The following NRP1 variants were observed in gnomAD, a reference collection of about 807,000 sequenced individuals.
The protein encoded by NRP1 is neuropilin 1.
In NRP1, 35 loss-of-function variants were observed where a neutral mutation model predicts 106.7. That is an observed-to-expected ratio of 0.33 (90% CI 0.25 to 0.43). The LOEUF (loss-of-function observed/expected upper bound fraction) is 0.43. NRP1 is among the 20% of genes least tolerant of loss of function. The pLI is 1.00. For synonymous variants in NRP1, 437 were observed against 417.9 expected (o/e 1.05, Z -0.56); for missense variants, 1,024 against 1,170.4 (o/e 0.87, Z 1.83).
At chr10:33,204,679 T>C (rs952547267) in intron 10 of NRP1, among the ~76,000 whole-genome samples, 3 of 152,188 alleles carry the variant, frequency 2.0e-5, no homozygotes, top group Non-Finnish European at 4.4e-5. Flanking sequence ...GCAAATGATA[T>C]GTATGTTCCA....
intron 7 of NRP1, among the ~76,000 whole-genome samples, chr10:33,224,548 C>CTTTTTTTTTTTTTTTT (rs34104704): frequency 1.4e-5 from 2 of 143,162 alleles, no homozygotes; most frequent in Non-Finnish European, 1.5e-5. Flanking sequence ...CCATTTTGTT[C>CTTTTTTTTTTTTTTTT]TTTTTTTTTT....
chr10:33,217,243 T>C (rs1838850944), intron 8 of NRP1, among the ~76,000 whole-genome samples: 2 of 152,294 alleles, frequency 1.3e-5, no homozygotes, highest in East Asian at 3.9e-4. Flanking sequence ...ACCAGATTAA[T>C]GCCCTTTCTC....
At chr10:33,203,047 AGCCTCTG>A in intron 10 of NRP1, 52 bp from the exon 11 acceptor site, 1 of 1,548,262 alleles carries the variant, frequency 6.5e-7, no homozygotes, top group Non-Finnish European at 8.7e-7. Flanking sequence ...TGTATTCTCA[AGCCTCTG>A]GCTGTTGGAT....
At chr10:33,192,218 A>T (rs954018909) in intron 13 of NRP1, 63 bp downstream of exon 13, 6 of 1,559,982 alleles carry the variant, frequency 3.8e-6, no homozygotes, top group Non-Finnish European at 5.2e-6. Context: ...CCCTCCCAGT[A>T]ACACAGCCTC....
intron 2 of NRP1, among the ~76,000 whole-genome samples, chr10:33,286,814 C>A (rs1465299221): frequency 6.6e-6 from 1 of 152,060 alleles, no homozygotes; most frequent in South Asian, 2.1e-4. Context: ...CCCACCCAAG[C>A]AACTAGGCAA....
rs958490702 is a variant in NRP1 at position 33,326,967 on chromosome 10, T to A, written c.248+3741A>T. ...ACAATAAAAATCTAAATAAAAAATTTTTTTTTTTCTACCAGGACTATGTAG... is the reference window on the plus strand; with the variant it reads ...ACAATAAAAATCTAAATAAAAAATTATTTTTTTTCTACCAGGACTATGTAG... On this transcript the variant is annotated intron_variant, in intron 2 of 16. Coordinates refer to ENST00000374867, the MANE Select transcript of NRP1 (RefSeq NM_003873.7). Among the ~76,000 whole-genome samples, 1,062 of 152,144 alleles carry A rather than the reference T, an allele frequency of 7.0e-3. 23 individuals are homozygous for A. The highest frequency in any genetic ancestry group is 0.024 in the African/African-American group (1,007 of 41,506).
At chr10:33,191,228 TA>T (rs1836389655) in intron 13 of NRP1, among the ~76,000 whole-genome samples, 1 of 152,052 alleles carries the variant, frequency 6.6e-6, no homozygotes. Context: ...AGGGGGCAGA[TA>T]ATAGAGTTCA....
intron 2 of NRP1, among the ~76,000 whole-genome samples, chr10:33,305,555 T>A (rs1398532950): frequency 6.6e-6 from 1 of 152,096 alleles, no homozygotes; most frequent in Non-Finnish European, 1.5e-5. Flanking sequence ...GGAACCAAGT[T>A]CTCACTGTGG....
intron 2 of NRP1, among the ~76,000 whole-genome samples, chr10:33,312,388 T>C (rs932038542): frequency 6.6e-6 from 1 of 152,226 alleles, no homozygotes; most frequent in Admixed American, 6.5e-5. Flanking sequence ...CCTTTAAAAA[T>C]GGGTCTGGTA....
At chr10:33,265,918 T>C (rs931469299) in intron 3 of NRP1, among the ~76,000 whole-genome samples, 8 of 152,168 alleles carry the variant, frequency 5.3e-5, no homozygotes, top group African/African-American at 1.4e-4. Context: ...ATTTGAGTCA[T>C]TTATCCACAA....
chr10:33,285,115 C>T (rs746597613), intron 2 of NRP1, among the ~76,000 whole-genome samples: 9 of 152,168 alleles, frequency 5.9e-5, no homozygotes, highest in African/African-American at 9.7e-5. Flanking sequence ...TAAACAAGTA[C>T]GATGCTGATA....
intron 2 of NRP1, 76 bp downstream of exon 2, chr10:33,330,632 A>C: frequency 6.1e-6 from 8 of 1,314,760 alleles, no homozygotes; most frequent in Non-Finnish European, 8.4e-6. Flanking sequence ...CATTGTACAC[A>C]CCGACTTCCC....
intron 9 of NRP1, among the ~76,000 whole-genome samples, chr10:33,207,965 G>T (rs574523635): frequency 2.4e-3 from 369 of 152,028 alleles, no homozygotes; most frequent in Middle Eastern, 6.8e-3. Context: ...TCACTCTGTC[G>T]CCCAGGGTGG....
At position 33,263,641 on chromosome 10, in the gene NRP1, C is replaced by G. The variant is rs1473143577; in HGVS notation, c.658+5G>C. 6.2e-7 allele frequency: 1 copy of G among 1,611,304 alleles called. No homozygotes were observed. The highest frequency in any genetic ancestry group is 2.2e-5 in the East Asian group (1 of 44,852). On this transcript the variant is annotated splice_donor_5th_base_variant and intron_variant, in intron 4 of 16. Transcript: ENST00000374867. The stretch of plus-strand genomic sequence containing the variant: ...CCTTTTTGGGGTGCTTCCTGTCATT[C>G]TTACCATCAGGGAATCCATCCCAGA...
chr10:33,202,411 T>C (rs1405698462), intron 11 of NRP1: 1 of 454,976 alleles, frequency 2.2e-6, no homozygotes, highest in Non-Finnish European at 3.8e-6. Flanking sequence ...TGTACAATGA[T>C]TTACCAAATC....
At chr10:33,297,762 G>T (rs4277057) in intron 2 of NRP1, among the ~76,000 whole-genome samples, 27,754 of 151,212 alleles carry the variant, frequency 0.18, 3,026 homozygotes, top group African/African-American at 0.3. Flanking sequence ...AGGTTTAAAG[G>T]CAGGATTTAC....
Position 33,213,672 on chromosome 10 carries a change from G to T in NRP1, c.1328C>A (p.Ser443Tyr). 6.2e-7 allele frequency: 1 copy of T among 1,613,120 alleles called. No homozygotes were observed. The highest frequency in any genetic ancestry group is 8.5e-7 in the Non-Finnish European group (1 of 1,179,518). Reference sequence around the variant, plus strand: ...GTTGGATGATGTGATCTGGGAGTCAGAAATAAGTCCAGACACCATACCCAA... The same window carrying T: ...GTTGGATGATGTGATCTGGGAGTCATAAATAAGTCCAGACACCATACCCAA... The part of the protein sequence containing the change: ...GMLGMVSGLI[S>Y]DSQITSSNQG... The change falls in exon 9 of 17, where the codon TCT (serine) becomes TAT (tyrosine). Residue 443 changes from serine to tyrosine, a missense_variant. Ser to Tyr is a moderately radical substitution (Grantham distance 144, BLOSUM62 -2). Around this residue, in one of 5 missense-constraint regions of NRP1, gnomAD observed 562 missense variants for 620.3 expected, o/e 0.91. Coordinates refer to ENST00000374867, the MANE Select transcript of NRP1 (RefSeq NM_003873.7).
intron 6 of NRP1, among the ~76,000 whole-genome samples, chr10:33,231,592 A>G (rs1020730516): frequency 1.3e-5 from 2 of 152,170 alleles, no homozygotes; most frequent in Non-Finnish European, 1.5e-5. Flanking sequence ...ATCTTACTCA[A>G]CTGGATTAAC....
chr10:33,315,860 C>A (rs373726793), intron 2 of NRP1, among the ~76,000 whole-genome samples: 3 of 152,152 alleles, frequency 2.0e-5, no homozygotes, highest in Non-Finnish European at 2.9e-5. Context: ...CCCACCACAC[C>A]TGTGAAGGAA....
Sources: gnomAD v4.1 joint callset for allele counts (sites outside exome capture counted in the v4.1 genomes callset) on GRCh38, gnomAD v4.1.1 for gene constraint, gnomAD v4.1.1 regional missense constraint, MANE v1.5 for transcripts, NCBI Gene and HGNC (gene_info 2026-07-23, HGNC 2026-07-21) for gene names.